Variants in PACRG observed in about 807,000 individuals in gnomAD.
PACRG encodes the protein parkin coregulated.
A neutral mutation model predicts 29.7 loss-of-function variants in PACRG; 29 were observed. The ratio of observed to expected loss-of-function variants is 0.98; its 90% CI spans 0.73 to 1.33. The LOEUF is 1.33. PACRG is among the 40% of genes most tolerant of loss of function. The pLI, the probability that PACRG is intolerant of heterozygous loss-of-function variation, is 0.00. For missense variants in PACRG, 279 were observed against 316.2 expected (o/e 0.88, Z 0.89); for synonymous variants, 116 against 118.7 (o/e 0.98, Z 0.15).
chr6:163,027,390 A>G (rs1230528964), intron 2 of PACRG, among the ~76,000 whole-genome samples: 1 of 152,208 alleles, frequency 6.6e-6, no homozygotes, highest in African/African-American at 2.4e-5. Context: ...ATGCAAGTAA[A>G]TTGAAAAGTA....
chr6:162,913,780 T>A (rs1796481173), intron 2 of PACRG, among the ~76,000 whole-genome samples: 2 of 152,214 alleles, frequency 1.3e-5, no homozygotes, highest in South Asian at 4.1e-4. Flanking sequence ...TGACTGAGCA[T>A]GTCCTTGATG....
chr6:163,248,068 A>G (rs1418283414), intron 4 of PACRG, among the ~76,000 whole-genome samples: 1 of 152,190 alleles, frequency 6.6e-6, no homozygotes, highest in Admixed American at 6.5e-5. Flanking sequence ...CTCCAAGAAA[A>G]TGCTACCTCC....
intron 4 of PACRG, among the ~76,000 whole-genome samples, chr6:163,219,287 T>A (rs1204929881): frequency 6.6e-6 from 1 of 152,194 alleles, no homozygotes; most frequent in Non-Finnish European, 1.5e-5. Flanking sequence ...ATCTTTATTC[T>A]TCTCTAATCC....
At chr6:163,079,407 T>TA (rs76199638) in intron 3 of PACRG, among the ~76,000 whole-genome samples, 7,730 of 137,862 alleles carry the variant, frequency 0.056, 343 homozygotes, top group African/African-American at 0.12. Flanking sequence ...TTCACAGAGT[T>TA]AAAAAAAAAA....
At chr6:162,805,878 A>C (rs1191999787) in intron 1 of PACRG, among the ~76,000 whole-genome samples, 1 of 152,118 alleles carries the variant, frequency 6.6e-6, no homozygotes, top group African/African-American at 2.4e-5. Flanking sequence ...CTACATCTCC[A>C]GTTACTCCAC....
chr6:163,143,793 C>T (rs1777657051), intron 4 of PACRG, among the ~76,000 whole-genome samples: 1 of 150,452 alleles, frequency 6.6e-6, no homozygotes, highest in Non-Finnish European at 1.5e-5. Context: ...AGGGCTGGGT[C>T]TCATGGGTGG....
chr6:163,054,279 A>C (rs1810327707), intron 2 of PACRG: 1 of 152,234 alleles, frequency 6.6e-6, no homozygotes, highest in Admixed American at 6.5e-5. Context: ...CTTTATAAGA[A>C]GAGAAAGACC....
At chr6:162,833,221 C>T (rs931567944) in intron 2 of PACRG, among the ~76,000 whole-genome samples, 3 of 152,098 alleles carry the variant, frequency 2.0e-5, no homozygotes, top group Non-Finnish European at 2.9e-5. Flanking sequence ...CTTTTGTTAC[C>T]TAACCATAGC....
intron 2 of PACRG, among the ~76,000 whole-genome samples, chr6:163,001,106 C>T (rs1035288169): frequency 1.3e-5 from 2 of 152,206 alleles, no homozygotes; most frequent in Non-Finnish European, 2.9e-5. Context: ...TCCCAAGGAC[C>T]TTGGCACAAC....
At chr6:163,298,255 GAA>G (rs796994518) in intron 4 of PACRG, among the ~76,000 whole-genome samples, 3 of 127,788 alleles carry the variant, frequency 2.3e-5, no homozygotes, top group African/African-American at 2.9e-5. Context: ...TCTCACAAAG[GAA>G]AAAAAAAAAA....
intron 4 of PACRG, chr6:163,310,088 T>C (rs1463460356): frequency 6.6e-6 from 1 of 152,236 alleles, no homozygotes; most frequent in Non-Finnish European, 1.5e-5. Context: ...GTTCATACAA[T>C]GGCTATATAT....
At chr6:163,103,680 A>G (rs781597843) in intron 4 of PACRG, among the ~76,000 whole-genome samples, 1 of 152,234 alleles carries the variant, frequency 6.6e-6, no homozygotes, top group Non-Finnish European at 1.5e-5. Context: ...GAACATCTGT[A>G]GAATTGAGGT....
In PACRG at chr6:163,258,823, G is replaced by A. The variant is rs530613622; in HGVS notation, c.614-56004G>A. 2.6e-5 allele frequency among the ~76,000 whole-genome samples: 4 copies of A among 152,180 alleles called. No individual in the cohort carries two copies. In the South Asian group the frequency reaches 8.3e-4, roughly 32 times the overall value. ...AAGAACTATGACACCTTGGGAGAGG[G>A]TCTTGGAGAACTGGCTACCAACAAT... On this transcript the variant is annotated intron_variant, in intron 4 of 4. Transcript: ENST00000366888.
At chr6:163,152,707 C>CAGG (rs1277370765) in intron 4 of PACRG, among the ~76,000 whole-genome samples, 2 of 152,194 alleles carry the variant, frequency 1.3e-5, no homozygotes, top group Non-Finnish European at 2.9e-5. Flanking sequence ...CAAAATCTGC[C>CAGG]TGCCTAGCAG....
intron 2 of PACRG, among the ~76,000 whole-genome samples, chr6:162,947,424 A>T (rs369417743): frequency 5.8e-5 from 4 of 68,600 alleles, no homozygotes; most frequent in African/African-American, 1.8e-4. Context: ...ATCATACATA[A>T]AATCATATAT....
chr6:163,034,826 A>G (rs970421995), intron 2 of PACRG, among the ~76,000 whole-genome samples: 1 of 152,204 alleles, frequency 6.6e-6, no homozygotes, highest in Non-Finnish European at 1.5e-5. Flanking sequence ...CTCGCGCAAG[A>G]AAGAATTCAG....
intron 4 of PACRG, among the ~76,000 whole-genome samples, chr6:163,263,733 A>G (rs1274007312): frequency 2.0e-5 from 3 of 152,232 alleles, no homozygotes; most frequent in African/African-American, 7.2e-5. Flanking sequence ...TTATTAGTAC[A>G]TTATGAATGG....
At chr6:162,827,712 C>A (rs1209572742) in intron 2 of PACRG, among the ~76,000 whole-genome samples, 1 of 152,156 alleles carries the variant, frequency 6.6e-6, no homozygotes, top group Admixed American at 6.5e-5. Context: ...AGATTACCAA[C>A]CATGCTGCCT....
chr6:162,817,689 C>T (rs1168947522), intron 2 of PACRG, among the ~76,000 whole-genome samples: 3 of 152,016 alleles, frequency 2.0e-5, no homozygotes, highest in African/African-American at 4.8e-5. Context: ...ATTTAAATAG[C>T]CACGTGGTTA....
Sources: gnomAD v4.1 joint callset for allele counts (sites outside exome capture counted in the v4.1 genomes callset) on GRCh38, gnomAD v4.1.1 for gene constraint, MANE v1.5 for transcripts, NCBI Gene and HGNC (gene_info 2026-07-23, HGNC 2026-07-21) for gene names.